Variants in EYA2 observed in about 807,000 individuals in gnomAD.
EYA2 encodes protein phosphatase EYA2.
A neutral mutation model predicts 69.2 loss-of-function variants in EYA2; 31 were observed. That is an observed-to-expected ratio of 0.45 (90% CI 0.34 to 0.60). The LOEUF (loss-of-function observed/expected upper bound fraction) is 0.60. Ranked by LOEUF, EYA2 falls within the 20% of genes least tolerant of loss-of-function variation. The probability of loss-of-function intolerance (pLI) is 0.02; values close to 1 mark genes in which losing one functional copy is unlikely to be tolerated. For missense variants in EYA2, 622 were observed against 701.2 expected, an observed-to-expected ratio of 0.89 and a Z score of 1.28; for synonymous variants, 257 against 279.4, an observed-to-expected ratio of 0.92 and a Z score of 0.80.
intron 1 of EYA2, among the ~76,000 whole-genome samples, chr20:46,960,402 C>G (rs929398376): frequency 1.3e-5 from 2 of 152,196 alleles, no homozygotes; most frequent in Non-Finnish European, 2.9e-5. Context: ...GATGTATTTA[C>G]TGAGTGCCGG....
At chr20:47,146,485 G>A (rs557479203) in intron 10 of EYA2, among the ~76,000 whole-genome samples, 1 of 152,196 alleles carries the variant, frequency 6.6e-6, no homozygotes, top group Non-Finnish European at 1.5e-5. Flanking sequence ...GAGCTACTTA[G>A]GGAAGCCAGT....
At chr20:47,142,785 C>T (rs1245242643) in intron 9 of EYA2, among the ~76,000 whole-genome samples, 2 of 152,188 alleles carry the variant, frequency 1.3e-5, no homozygotes, top group Non-Finnish European at 2.9e-5. Context: ...GTCCTTGCAA[C>T]GCTGAACACT....
At chr20:47,041,807 C>A (rs1354625658) in intron 5 of EYA2, among the ~76,000 whole-genome samples, 3 of 152,002 alleles carry the variant, frequency 2.0e-5, no homozygotes, top group Non-Finnish European at 2.9e-5. Flanking sequence ...ATGGCTTTGT[C>A]ACATCAAAAT....
intron 1 of EYA2, among the ~76,000 whole-genome samples, chr20:46,966,422 C>G (rs1979785280): frequency 6.6e-6 from 1 of 152,156 alleles, no homozygotes; most frequent in Admixed American, 6.5e-5. Context: ...TTAAGGTCTC[C>G]AGCAACACTG....
intron 1 of EYA2, among the ~76,000 whole-genome samples, chr20:46,964,448 G>C (rs1979658448): frequency 6.6e-6 from 1 of 152,154 alleles, no homozygotes. Flanking sequence ...AGGTCCGCAG[G>C]TGGCTGTTGA....
intron 5 of EYA2, among the ~76,000 whole-genome samples, chr20:47,045,216 G>T (rs1237343502): frequency 6.6e-6 from 1 of 152,226 alleles, no homozygotes; most frequent in African/African-American, 2.4e-5. Flanking sequence ...GCCCAAGAAA[G>T]CTATCCCCAT....
chr20:46,924,359 A>T (rs1014748131), intron 1 of EYA2, among the ~76,000 whole-genome samples: 59 of 152,098 alleles, frequency 3.9e-4, no homozygotes, highest in Non-Finnish European at 1.2e-4. Context: ...TGCTTTCTTA[A>T]CACTATCATT....
chr20:47,058,512 G>T (rs1234796404), intron 5 of EYA2, among the ~76,000 whole-genome samples: 1 of 152,190 alleles, frequency 6.6e-6, no homozygotes, highest in Non-Finnish European at 1.5e-5. Context: ...GGCCATACTG[G>T]TGCTGACCCT....
chr20:47,183,853 A>T (rs1194773368), intron 15 of EYA2, among the ~76,000 whole-genome samples: 1 of 152,118 alleles, frequency 6.6e-6, no homozygotes, highest in Non-Finnish European at 1.5e-5. Flanking sequence ...CTGTTCTTGG[A>T]AAAGAAACAG....
chr20:47,161,375 G>T, intron 10 of EYA2: 1 of 434,388 alleles, frequency 2.3e-6, no homozygotes, highest in Non-Finnish European at 4.4e-6. Flanking sequence ...GCTGGCTGGC[G>T]TGGGTCTGCT....
chr20:46,976,927 T>C (rs959710009), intron 1 of EYA2, among the ~76,000 whole-genome samples: 1 of 152,092 alleles, frequency 6.6e-6, no homozygotes, highest in African/African-American at 2.4e-5. Flanking sequence ...TTCGTTCTCA[T>C]AACAACAACA....
intron 1 of EYA2, among the ~76,000 whole-genome samples, chr20:46,908,175 A>G (rs1401176522): frequency 6.6e-6 from 1 of 152,238 alleles, no homozygotes; most frequent in African/African-American, 2.4e-5. Context: ...TGGGGAATGC[A>G]GTCAAGAACA....
chr20:46,905,969 G>C (rs968278461), intron 1 of EYA2, among the ~76,000 whole-genome samples: 2 of 152,146 alleles, frequency 1.3e-5, no homozygotes, highest in Non-Finnish European at 2.9e-5. Flanking sequence ...GGGGACTTTA[G>C]ACATTCTGGA....
At chr20:46,979,615 T>A (rs1980692857) in intron 1 of EYA2, 1 of 152,136 alleles carries the variant, frequency 6.6e-6, no homozygotes, top group South Asian at 2.1e-4. Flanking sequence ...GAGAATAAGC[T>A]GGTCTCCAAT....
intron 5 of EYA2, among the ~76,000 whole-genome samples, chr20:47,036,077 C>T (rs1010280525): frequency 2.0e-5 from 3 of 152,184 alleles, no homozygotes; most frequent in African/African-American, 7.2e-5. Flanking sequence ...AGGCTGAGCA[C>T]TTGGCCAGTA....
chr20:46,914,778 C>A (rs1317801075), intron 1 of EYA2, among the ~76,000 whole-genome samples: 1 of 152,162 alleles, frequency 6.6e-6, no homozygotes, highest in African/African-American at 2.4e-5. Context: ...AAGAAGAGTT[C>A]CTCTCTCAGA....
chr20:47,171,410 T>C (rs1255849410), intron 11 of EYA2, among the ~76,000 whole-genome samples: 4 of 152,180 alleles, frequency 2.6e-5, no homozygotes, highest in Non-Finnish European at 5.9e-5. Context: ...TTTGTTTTGT[T>C]TTGTTTTTTT....
chr20:47,149,544 TAAAAG>T, intron 10 of EYA2, among the ~76,000 whole-genome samples: 1 of 151,940 alleles, frequency 6.6e-6, no homozygotes, highest in Non-Finnish European at 1.5e-5. Flanking sequence ...TGGTATATAT[TAAAAG>T]AACACAAGTT....
Position 47,169,119 on chromosome 20 carries a change from C to G in EYA2, c.979-20C>G, listed in dbSNP as rs1417293383. The G allele has an allele frequency of 4.3e-6, 7 of 1,610,632 alleles. No individual in the cohort carries two copies. The Middle Eastern group carries it at 8.2e-4, about 189-fold the overall frequency. On this transcript the variant is annotated intron_variant, in intron 10 of 15. Coordinates refer to ENST00000327619, the MANE Select transcript of EYA2 (RefSeq NM_005244.5). ...AGGCATGTTCTCTCTCTCTCTCTCT[C>G]TCTGTCAAATTTTCCATAGGATTGT... is the stretch of plus-strand genomic sequence containing the variant.
Sources: allele counts gnomAD v4.1 joint callset (sites outside exome capture counted in the v4.1 genomes callset), GRCh38; gene constraint gnomAD v4.1.1; transcripts MANE v1.5; gene names NCBI Gene and HGNC (gene_info 2026-07-23, HGNC 2026-07-21).